The following VPS39 variants were observed in gnomAD, a reference collection of about 807,000 sequenced individuals.
VPS39 encodes VPS39 subunit of HOPS complex, also known as vam6/Vps39-like protein.
In VPS39, 70 loss-of-function variants were observed where a neutral mutation model predicts 121.0. The observed-to-expected ratio is 0.58, with a 90% CI of 0.48 to 0.71. The LOEUF (loss-of-function observed/expected upper bound fraction) is 0.71. Ranked by LOEUF, VPS39 falls within the 30% of genes least tolerant of loss-of-function variation. The pLI, the probability that VPS39 is intolerant of heterozygous loss-of-function variation, is 0.00. For missense variants in VPS39, 818 were observed against 1,051.5 expected, an observed-to-expected ratio of 0.78 and a Z score of 3.07; for synonymous variants, 378 against 398.1, an observed-to-expected ratio of 0.95 and a Z score of 0.60.
intron 12 of VPS39, 137 bp downstream of exon 12, chr15:42,169,585 CTT>C (rs2049308046): frequency 2.1e-6 from 2 of 966,832 alleles, no homozygotes; most frequent in Non-Finnish European, 2.8e-6. Flanking sequence ...CAGAAAGAAA[CTT>C]TACCCCAGGC....
chr15:42,193,574 C>CG (rs1555401374), intron 2 of VPS39, among the ~76,000 whole-genome samples: 1 of 152,052 alleles, frequency 6.6e-6, no homozygotes, highest in Non-Finnish European at 1.5e-5. Flanking sequence ...GATTTTAAAA[C>CG]TCATGCATTA....
rs144632579 is a variant in VPS39, at chr15:42,186,534, A to C, written c.534+737T>G. The stretch of plus-strand genomic sequence containing the variant: ...CATGTCTGAATTACAAGGGGTGTGA[A>C]GCTAAGAGATTTAGATTATTCAATG... On this transcript the variant is annotated intron_variant, in intron 7 of 24. Transcript: ENST00000318006. Among the ~76,000 whole-genome samples the C allele has an allele frequency of 8.5e-4, 130 of 152,350 alleles. No homozygotes were observed. In the East Asian group the frequency reaches 0.02, roughly 24 times the overall value.
chr15:42,189,069 T>C (rs371603099), intron 5 of VPS39, 45 bp downstream of exon 5: 62 of 1,366,242 alleles, frequency 4.5e-5, no homozygotes, highest in Non-Finnish European at 5.7e-5. Context: ...GGAAAGACTG[T>C]ATTGATTAAA....
chr15:42,180,135 G>A (rs2049551845), intron 8 of VPS39, among the ~76,000 whole-genome samples: 1 of 150,746 alleles, frequency 6.6e-6, no homozygotes, highest in African/African-American at 2.5e-5. Context: ...CCTAGTCTGT[G>A]GTATTCTGTT....
At chr15:42,170,908 A>T (rs1438359209) in intron 11 of VPS39, among the ~76,000 whole-genome samples, 1 of 151,744 alleles carries the variant, frequency 6.6e-6, no homozygotes, top group Non-Finnish European at 1.5e-5. Flanking sequence ...TTATTTTTAA[A>T]TTTTTTGTAA....
At chr15:42,206,574 G>A (rs2050176203) in intron 1 of VPS39, among the ~76,000 whole-genome samples, 1 of 152,186 alleles carries the variant, frequency 6.6e-6, no homozygotes. Flanking sequence ...CAGAGTCAAG[G>A]ATTCTGACGA....
At chr15:42,173,551 G>A (rs2049387402) in intron 11 of VPS39, 172 bp downstream of exon 11, 1 of 729,696 alleles carries the variant, frequency 1.4e-6, no homozygotes, top group Admixed American at 3.0e-5. Context: ...AGGATTAGGA[G>A]TATAGATATG....
intron 2 of VPS39, among the ~76,000 whole-genome samples, chr15:42,193,793 T>C (rs896411048): frequency 1.3e-5 from 2 of 151,578 alleles, no homozygotes; most frequent in Non-Finnish European, 2.9e-5. Context: ...TCTAACTTTA[T>C]CATTCACAAC....
intron 2 of VPS39, chr15:42,192,068 C>T (rs1434882668): frequency 6.5e-7 from 1 of 1,536,402 alleles, no homozygotes; most frequent in East Asian, 2.4e-5. Context: ...ACACTTACTG[C>T]CGCTTTCAGG....
At chr15:42,202,280 T>C (rs2050083641) in intron 1 of VPS39, among the ~76,000 whole-genome samples, 1 of 152,192 alleles carries the variant, frequency 6.6e-6, no homozygotes, top group Non-Finnish European at 1.5e-5. Flanking sequence ...AACAGAGTGA[T>C]TCTATTTTCT....
chr15:42,166,530 C>T (rs753786230), intron 15 of VPS39, 33 bp downstream of exon 15: 9 of 1,608,582 alleles, frequency 5.6e-6, no homozygotes, highest in East Asian at 2.2e-5. Flanking sequence ...TGAACAGGAG[C>T]GCTTTCCCAC....
At chr15:42,178,428 A>T (rs2049503079) in intron 9 of VPS39, 22 bp downstream of exon 9, 1 of 1,614,182 alleles carries the variant, frequency 6.2e-7, no homozygotes, top group Non-Finnish European at 8.5e-7. Context: ...ATACAGCCAT[A>T]GCAAAAAAAG....
intron 18 of VPS39, 48 bp downstream of exon 18, chr15:42,164,948 C>T: frequency 1.2e-6 from 2 of 1,611,378 alleles, no homozygotes; most frequent in Middle Eastern, 1.7e-4. Context: ...TGGGTCTGTG[C>T]TCTCCTCTAA....
At chr15:42,191,709 C>G (rs1175345365) in intron 2 of VPS39, 149 bp from the exon 3 acceptor site, 16 of 702,856 alleles carry the variant, frequency 2.3e-5, no homozygotes, top group African/African-American at 3.6e-5. Context: ...ATAGCCAGCT[C>G]TCTTACAAGC....
chr15:42,201,005 G>A (rs934895429), intron 1 of VPS39, among the ~76,000 whole-genome samples: 2 of 152,156 alleles, frequency 1.3e-5, no homozygotes, highest in African/African-American at 4.8e-5. Flanking sequence ...ATCCACAGAG[G>A]TAGAAAGATT....
intron 19 of VPS39, 42 bp from the exon 20 acceptor site, chr15:42,163,770 G>GCAAGCA: frequency 6.9e-7 from 1 of 1,456,202 alleles, no homozygotes; most frequent in South Asian, 1.2e-5. Context: ...CCGCCATCAC[G>GCAAGCA]CAAGCACAAG....
chr15:42,204,182 C>T (rs2050121658), intron 1 of VPS39, among the ~76,000 whole-genome samples: 1 of 152,230 alleles, frequency 6.6e-6, no homozygotes, highest in Non-Finnish European at 1.5e-5. Context: ...ATAGTAGTCA[C>T]TTCCCTTCGT....
At chr15:42,201,957 A>G (rs1335406065) in intron 1 of VPS39, among the ~76,000 whole-genome samples, 2 of 152,218 alleles carry the variant, frequency 1.3e-5, no homozygotes, top group African/African-American at 2.4e-5. Context: ...CCTCACAACT[A>G]TCCCTTGAAG....
rs1379356360 is a variant in VPS39, at chr15:42,208,132, C to T, written c.22G>A (p.Val8Met). Residue 8 changes from valine to methionine, a missense_variant, in exon 1 of 25, where the codon GTG becomes ATG. Coordinates refer to ENST00000318006, the MANE Select transcript of VPS39 (RefSeq NM_015289.5). MHDAFEP[V>M]PILEKLPLQI... is the part of the protein sequence containing the mutation. ...AGAGGCAGCTTTTCTAGGATCGGCACTGGCTCGAAAGCGTCGTGCATGGCG... is the reference window on the plus strand; with the variant it reads ...AGAGGCAGCTTTTCTAGGATCGGCATTGGCTCGAAAGCGTCGTGCATGGCG... 6.3e-7 allele frequency: 1 copy of T among 1,582,588 alleles called. No homozygotes were observed. Among genetic ancestry groups the T allele is most frequent in the South Asian group, 1.2e-5 (1 of 86,610 alleles).
Sources: gnomAD v4.1 joint callset for allele counts (sites outside exome capture counted in the v4.1 genomes callset) on GRCh38, gnomAD v4.1.1 for gene constraint, MANE v1.5 for transcripts, NCBI Gene and HGNC (gene_info 2026-07-23, HGNC 2026-07-21) for gene names.